The following COL28A1 variants were observed in gnomAD, a reference collection of about 807,000 sequenced individuals.
The protein encoded by COL28A1 is collagen alpha-1(XXVIII) chain.
In COL28A1, 161 loss-of-function variants were observed where a neutral mutation model predicts 150.2. The observed-to-expected ratio is 1.07, with a 90% CI of 0.94 to 1.22. The LOEUF (loss-of-function observed/expected upper bound fraction) is 1.22, where lower values mean the gene tolerates loss of function less well. Ranked by LOEUF, COL28A1 falls within the 50% of genes most tolerant of loss-of-function variation. COL28A1 has a pLI of 0.00. For synonymous variants in COL28A1, 552 were observed against 469.7 expected, an observed-to-expected ratio of 1.18 and a Z score of -2.26; for missense variants, 1,617 against 1,388.3, an observed-to-expected ratio of 1.16 and a Z score of -2.62.
chr7:7,386,884 G>C (rs1450690155), intron 27 of COL28A1, among the ~76,000 whole-genome samples: 1 of 152,194 alleles, frequency 6.6e-6, no homozygotes, highest in African/African-American at 2.4e-5. Context: ...CAGTTCTGGA[G>C]GCTAGAAAGC....
downstream of COL28A1, among the ~76,000 whole-genome samples, chr7:7,351,987 G>T (rs1001484464): frequency 2.6e-5 from 4 of 152,136 alleles, no homozygotes; most frequent in African/African-American, 7.2e-5. Flanking sequence ...AAGTCTGAAA[G>T]GAAATATTTA....
intron 21 of COL28A1, among the ~76,000 whole-genome samples, chr7:7,438,534 C>T (rs1785517807): frequency 6.6e-6 from 1 of 152,208 alleles, no homozygotes; most frequent in South Asian, 2.1e-4. Context: ...TTATGAAGCA[C>T]CCCTGGTGAA....
intron 16 of COL28A1, among the ~76,000 whole-genome samples, chr7:7,455,268 T>G (rs116670588): frequency 7.3e-4 from 111 of 152,358 alleles, no homozygotes; most frequent in African/African-American, 2.5e-3. Context: ...ATTTGTGGGT[T>G]GCTTTGATTA....
At position 7,507,118 on chromosome 7, in the gene COL28A1, T is replaced by C; in HGVS notation, c.971A>G (p.Gln324Arg). 8.1e-7 allele frequency: 1 copy of C among 1,239,494 alleles called. No homozygotes were observed. Among genetic ancestry groups the C allele is most frequent in the Non-Finnish European group, 1.2e-6 (1 of 839,358 alleles). 76.8% of individuals were successfully genotyped at this position (1,239,494 alleles called of 1,614,324 possible). A position where few individuals can be genotyped will look rare whatever the true frequency, so the allele number is the denominator to read the frequency against. ...TAGATTTGGTTTTAACCCCCTTACC[T>C]GAATTCCTCTGGGTCCCTTTGGTCC... ...PYGPKGPRGI[Q>R]GITGPPGDPG... Residue 324 changes from glutamine (Q) to arginine (R), a missense_variant and splice_region_variant, in exon 10 of 35, where the codon CAG becomes CGG. Physicochemically the swap from Gln to Arg is conservative, Grantham distance 43. Coordinates refer to ENST00000399429, the MANE Select transcript of COL28A1 (RefSeq NM_001037763.3).
chr7:7,358,743 AAT>A lies in COL28A1; in HGVS notation c.3266_3267del (p.Tyr1089LeufsTer2). On this transcript the variant is annotated frameshift_variant, in exon 35 of 35. Transcript: ENST00000399429. LOFTEE classifies it high-confidence loss of function. ...GNCGEYVVRW[Y>X]YDKQVNSCAR... ...GCACAAGAGTTGACCTGTTTGTCAT[AAT>A]ACCATCGAACCACATATTCACCACA... The A allele has an allele frequency of 1.2e-6, 2 of 1,614,038 alleles. No individual in the cohort carries two copies. Among genetic ancestry groups the A allele is most frequent in the Non-Finnish European group, 1.7e-6 (2 of 1,179,958 alleles).
At chr7:7,343,295 C>T in the COL28A1 span, among the ~76,000 whole-genome samples, 2 of 151,960 alleles carry the variant, frequency 1.3e-5, no homozygotes. Flanking sequence ...TTAAAATTGT[C>T]TATGCCTCAT....
At chr7:7,524,361 T>C (rs1781905715) in intron 3 of COL28A1, 112 bp from the exon 4 acceptor site, 1 of 721,928 alleles carries the variant, frequency 1.4e-6, no homozygotes, top group Admixed American at 2.2e-5. Context: ...AGAATAGCAA[T>C]TCAGCCTTTT....
chr7:7,430,952 T>TA (rs1336045759), intron 25 of COL28A1, among the ~76,000 whole-genome samples: 1 of 152,198 alleles, frequency 6.6e-6, no homozygotes, highest in Non-Finnish European at 1.5e-5. Context: ...CACTTCCAGA[T>TA]ACATCCTCAT....
intron 18 of COL28A1, 82 bp downstream of exon 18, chr7:7,452,237 C>T (rs1786752397): frequency 1.3e-6 from 2 of 1,552,676 alleles, no homozygotes; most frequent in African/African-American, 1.4e-5. Flanking sequence ...CACACAGAGT[C>T]TGTAAGGCAA....
At chr7:7,476,954 G>T (rs953960849) in intron 14 of COL28A1, among the ~76,000 whole-genome samples, 158 bp downstream of exon 14, 1 of 152,068 alleles carries the variant, frequency 6.6e-6, no homozygotes, top group African/African-American at 2.4e-5. Context: ...CTGTATTTTC[G>T]CATTACAGGG....
intron 11 of COL28A1, among the ~76,000 whole-genome samples, chr7:7,504,921 T>C (rs1483646849): frequency 6.6e-6 from 1 of 152,220 alleles, no homozygotes; most frequent in Admixed American, 6.5e-5. Context: ...ATTTTTTTCT[T>C]ACTGTAGGAT....
the COL28A1 span, among the ~76,000 whole-genome samples, chr7:7,344,231 C>T: frequency 1.3e-5 from 2 of 152,014 alleles, no homozygotes; most frequent in African/African-American, 4.8e-5. Flanking sequence ...TTTGTAGAGA[C>T]AGGGTCTGGA....
intron 18 of COL28A1, among the ~76,000 whole-genome samples, chr7:7,448,815 T>G (rs1057377049): frequency 6.6e-6 from 1 of 152,108 alleles, no homozygotes; most frequent in Admixed American, 6.5e-5. Context: ...ACATGGATCT[T>G]AGATTTTGCT....
chr7:7,381,686 C>A (rs1392268426), intron 27 of COL28A1, 74 bp from the exon 28 acceptor site: 13 of 987,350 alleles, frequency 1.3e-5, no homozygotes, highest in Non-Finnish European at 2.0e-5. Context: ...GTCAGAAACA[C>A]ACTTACGGTT....
At chr7:7,542,664 C>A in the COL28A1 span, among the ~76,000 whole-genome samples, 1 of 152,188 alleles carries the variant, frequency 6.6e-6, no homozygotes, top group Non-Finnish European at 1.5e-5. Context: ...AGGGTTTAAA[C>A]TTTATCTTGA....
In COL28A1 at chr7:7,477,193, G is replaced by T. The variant is rs922180388; in HGVS notation, c.1165-13C>A. 6.7e-6 allele frequency: 7 copies of T among 1,039,298 alleles called. No homozygotes were observed. The highest frequency in any genetic ancestry group is 5.0e-5 in the South Asian group (4 of 79,746). 64.4% of individuals were successfully genotyped at this position (1,039,298 alleles called of 1,614,324 possible). ...GACCACGGGGACCCTGGTTAGGATA[G>T]GAGAAAATGAGGAGCAGGAGGAGAG... On this transcript the variant is annotated splice_polypyrimidine_tract_variant and intron_variant, in intron 13 of 34. Coordinates refer to ENST00000399429, the MANE Select transcript of COL28A1 (RefSeq NM_001037763.3).
In COL28A1 at chr7:7,373,407, G is replaced by T. The variant is rs747322946; in HGVS notation, c.2499C>A (p.Ala833=). ...AGTTGATTATGCCTATGCGGGCCGT[G>T]GCAAGGTCCAGAGCAACCCGGTCAG... ...TMADRVALDL[A]TARIGIINYS... is the part of the protein sequence containing the mutation. The change falls in exon 32 of 35, where the codon GCC becomes GCA. Residue 833 remains alanine, a synonymous_variant. Transcript: ENST00000399429. This position sits in a 1 kb window ranked among gnomAD's most constrained non-coding sequence, Gnocchi z 4.1. The T allele has an allele frequency of 1.2e-6, 2 of 1,614,112 alleles. No individual in the cohort carries two copies. Among genetic ancestry groups the T allele is most frequent in the Non-Finnish European group, 1.7e-6 (2 of 1,180,030 alleles).
chr7:7,415,161 G>T (rs1272895088), intron 27 of COL28A1, among the ~76,000 whole-genome samples: 8 of 152,310 alleles, frequency 5.3e-5, no homozygotes, highest in African/African-American at 1.9e-4. Context: ...TAGAGAGACA[G>T]AGTACAGTTC....
At chr7:7,477,233 G>C (rs1192464727) in intron 13 of COL28A1, 53 bp from the exon 14 acceptor site, 1 of 845,378 alleles carries the variant, frequency 1.2e-6, no homozygotes, top group Non-Finnish European at 2.0e-6. Context: ...AAGGGAAAGA[G>C]GAGTGATGAA....
Sources: allele counts gnomAD v4.1 joint callset (sites outside exome capture counted in the v4.1 genomes callset), GRCh38; gene constraint gnomAD v4.1.1; non-coding constraint Gnocchi (gnomAD v3.1); transcripts MANE v1.5; gene names NCBI Gene and HGNC (gene_info 2026-07-23, HGNC 2026-07-21).